The following GIGYF1 variants were observed in gnomAD, a reference collection of about 807,000 sequenced individuals.
The protein encoded by GIGYF1 is GRB10 interacting GYF protein 1.
A neutral mutation model predicts 147.1 loss-of-function variants in GIGYF1; 84 were observed. The observed-to-expected ratio is 0.57, with a 90% CI of 0.48 to 0.68. The LOEUF (loss-of-function observed/expected upper bound fraction) is 0.68. GIGYF1 is among the 30% of genes least tolerant of loss of function. The pLI, the probability that GIGYF1 is intolerant of heterozygous loss-of-function variation, is 0.00. For synonymous variants in GIGYF1, 752 were observed against 589.5 expected (o/e 1.28, Z -3.99); for missense variants, 1,485 against 1,393.7 (o/e 1.07, Z -1.04).
In GIGYF1 at chr7:100,685,402, G is replaced by A. The variant is rs139769261; in HGVS notation, c.1134C>T (p.Leu378=). The change falls in exon 13 of 27, where the codon CTC becomes CTT. Residue 378 remains leucine, a synonymous_variant. Transcript: ENST00000678049. ...CGTCCCCATCCCCGTTTGTCCCCCA[G>A]AGTGGGCCCAGGGTGGGCAGTGGGG... is the stretch of plus-strand genomic sequence containing the variant. ...SPSPLPTLGP[L]WGTNGDGDET... The A allele has an allele frequency of 6.6e-4, 1,053 of 1,589,502 alleles. 8 individuals are homozygous for A. In the African/African-American group the frequency reaches 0.011, roughly 17 times the overall value.
chr7:100,693,431 G>A (rs1036855851), intron 1 of GIGYF1, among the ~76,000 whole-genome samples: 6 of 152,154 alleles, frequency 3.9e-5, no homozygotes, highest in Non-Finnish European at 8.8e-5. Flanking sequence ...ATTTCCCGCG[G>A]CCGAGCAACT....
chr7:100,684,063 G>T lies in GIGYF1; in HGVS notation c.1825C>A (p.Leu609Ile). The change falls in exon 18 of 27, where the codon CTC becomes ATC. Residue 609 changes from leucine (L) to isoleucine (I), a missense_variant. Coordinates refer to ENST00000678049, the MANE Select transcript of GIGYF1 (RefSeq NM_001375765.1). ...TGGAGCTGCTGCAGGAATGCCGTGAGCTGCTGCTGCTGCTGCTGTGGCGGC... is the reference window on the plus strand; with the variant it reads ...TGGAGCTGCTGCAGGAATGCCGTGATCTGCTGCTGCTGCTGCTGTGGCGGC... ...PPPPQQQQQQ[L>I]TAFLQQLQAL... 6.4e-7 allele frequency: 1 copy of T among 1,551,456 alleles called. No individual in the cohort carries two copies.
Position 100,684,120 on chromosome 7 carries a change from C to T in GIGYF1, c.1768G>A (p.Ala590Thr). The T allele has an allele frequency of 6.2e-7, 1 of 1,608,614 alleles. No homozygotes were observed. Among genetic ancestry groups the T allele is most frequent in the East Asian group, 2.2e-5 (1 of 44,866 alleles). Residue 590 changes from alanine (A) to threonine (T), a missense_variant, in exon 18 of 27, where the codon GCT becomes ACT. Physicochemically the swap from Ala to Thr is moderately conservative, Grantham distance 58. Coordinates refer to ENST00000678049, the MANE Select transcript of GIGYF1 (RefSeq NM_001375765.1). ...GGTGGCGGTGTCAGGTCCCCCAGAG[C>T]TGCCTTTTCTCGGAGCGCGCACTGT... ...LPQCALREKA[A>T]LGDLTPPPPP... is the part of the protein sequence containing the mutation.
In GIGYF1 at chr7:100,684,897, G is replaced by T. The variant is rs750336252; in HGVS notation, c.1291-3C>A. Reference sequence around the variant, plus strand: ...GAGGCCACCAGCTTCTCCGCCTCCTGGATGCCCAGAAAAAGAAGAAAGGCT... The same window carrying T: ...GAGGCCACCAGCTTCTCCGCCTCCTTGATGCCCAGAAAAAGAAGAAAGGCT... On this transcript the variant is annotated splice_polypyrimidine_tract_variant and splice_region_variant and intron_variant, in intron 14 of 26. Transcript: ENST00000678049. 1.2e-6 allele frequency: 2 copies of T among 1,605,718 alleles called. No homozygotes were observed. The highest frequency in any genetic ancestry group is 1.7e-6 in the Non-Finnish European group (2 of 1,175,604).
chr7:100,692,080 C>CA (rs1253939835), intron 1 of GIGYF1, among the ~76,000 whole-genome samples: 1 of 152,250 alleles, frequency 6.6e-6, no homozygotes. Flanking sequence ...GCACAGTCCC[C>CA]AATTCCTCAA....
intron 1 of GIGYF1, among the ~76,000 whole-genome samples, chr7:100,691,289 T>G (rs919292746): frequency 1.3e-5 from 2 of 152,124 alleles, no homozygotes; most frequent in Admixed American, 1.3e-4. Flanking sequence ...TGACTCCAGA[T>G]ACCAAGTGCG....
chr7:100,688,194 A>T lies in GIGYF1; in HGVS notation c.35+10T>A. On this transcript the variant is annotated intron_variant, in intron 4 of 26. Transcript: ENST00000678049. Reference sequence around the variant, plus strand: ...GAATCTCCACGGCAGCCGAGGCACAAGTGACTCACCACTCAGGCCCAAAGT... The same window carrying T: ...GAATCTCCACGGCAGCCGAGGCACATGTGACTCACCACTCAGGCCCAAAGT... 1 of 1,576,082 alleles carries T rather than the reference A, an allele frequency of 6.3e-7. No individual in the cohort carries two copies. Among genetic ancestry groups the T allele is most frequent in the Non-Finnish European group, 8.6e-7 (1 of 1,156,272 alleles).
chr7:100,688,134 A>C lies in GIGYF1; in HGVS notation c.36-24T>G, dbSNP rs75939759. ...GCCTGGACACAACACAGAGAGAAGA[A>C]GACAGAGGTCAGGGCAGCCTGACTG... On this transcript the variant is annotated intron_variant, in intron 4 of 26. Transcript: ENST00000678049. 0.044 allele frequency: 70,999 copies of C among 1,605,836 alleles called. 1,962 individuals are homozygous for C. Among genetic ancestry groups the C allele is most frequent in the Middle Eastern group, 0.12 (754 of 6,032 alleles).
chr7:100,686,862 T>G (rs1805399665), intron 9 of GIGYF1, 43 bp from the exon 10 acceptor site: 1 of 1,596,318 alleles, frequency 6.3e-7, no homozygotes, highest in African/African-American at 1.4e-5. Flanking sequence ...AAAGGCAGCG[T>G]GGTGCCTGGA....
chr7:100,693,211 T>C (rs1462718617), intron 1 of GIGYF1, among the ~76,000 whole-genome samples: 4 of 152,052 alleles, frequency 2.6e-5, no homozygotes, highest in African/African-American at 7.2e-5. Flanking sequence ...GCAACAGACC[T>C]GGAGTCTGAC....
intron 1 of GIGYF1, among the ~76,000 whole-genome samples, chr7:100,689,859 G>A (rs755930018): frequency 4.6e-5 from 7 of 152,184 alleles, no homozygotes; most frequent in East Asian, 1.9e-4. Context: ...AGGACATCAC[G>A]CTAAGAGAAA....
chr7:100,682,858 G>A, intron 22 of GIGYF1, 81 bp from the exon 23 acceptor site: 10 of 1,407,136 alleles, frequency 7.1e-6, no homozygotes, highest in Non-Finnish European at 7.6e-6. Context: ...AGGTGGCAAA[G>A]GGAGACAGGT....
At chr7:100,685,780 T>C (rs997329281) in intron 12 of GIGYF1, among the ~76,000 whole-genome samples, 194 bp downstream of exon 12, 5 of 152,224 alleles carry the variant, frequency 3.3e-5, no homozygotes, top group Admixed American at 2.0e-4. Context: ...TGATTACGCC[T>C]GATTTCTATC....
intron 22 of GIGYF1, 58 bp from the exon 23 acceptor site, chr7:100,682,835 G>C: frequency 1.3e-6 from 2 of 1,482,898 alleles, no homozygotes; most frequent in Non-Finnish European, 1.8e-6. Flanking sequence ...AAAGCGGATG[G>C]GGAGGCTTGT....
chr7:100,684,005 G>T lies in GIGYF1; in HGVS notation c.1868+15C>A. The T allele has an allele frequency of 1.3e-6, 2 of 1,590,958 alleles. No individual in the cohort carries two copies. ...CCCCCACCCTGTATCCTGAGGGCTC[G>T]CACGCACCACGCACCTGGGGGGTTT... On this transcript the variant is annotated intron_variant, in intron 18 of 26. Transcript: ENST00000678049.
chr7:100,682,041 C>G, intron 25 of GIGYF1, 31 bp downstream of exon 25: 1 of 1,611,316 alleles, frequency 6.2e-7, no homozygotes, highest in Middle Eastern at 1.7e-4. Flanking sequence ...CCAGGCAAGC[C>G]CACCCCAGCT....
Position 100,682,169 on chromosome 7 carries a change from G to A in GIGYF1, c.2828C>T (p.Ser943Phe), listed in dbSNP as rs1373087435. Residue 943 changes from serine (S) to phenylalanine (F), a missense_variant, in exon 25 of 27, where the codon TCC (serine) becomes TTC (phenylalanine). Coordinates refer to ENST00000678049, the MANE Select transcript of GIGYF1 (RefSeq NM_001375765.1). ...GGCTTCCAGCGTGTCCCCCAGGCAG[G>A]AACGGATATAATCGTGGACATCATA... ...SPYDVHDYIR[S>F]CLGDTLEAKE... 1 of 1,613,940 alleles carries A rather than the reference G, an allele frequency of 6.2e-7. No individual in the cohort carries two copies. The highest frequency in any genetic ancestry group is 8.5e-7 in the Non-Finnish European group (1 of 1,179,956).
chr7:100,684,700 G>A, intron 15 of GIGYF1, 23 bp downstream of exon 15: 5 of 1,610,698 alleles, frequency 3.1e-6, no homozygotes, highest in Non-Finnish European at 4.2e-6. Flanking sequence ...GCCTTGAGCA[G>A]CCCTCCCATC....
chr7:100,686,770 G>A lies in GIGYF1; in HGVS notation c.573C>T (p.Ala191=), dbSNP rs1412550662. ...AGCGCCAGTTCTCGCTGTCTGAGCGGGCGTGCTCCTTCCTTGGGCCAGCCC... is the reference window on the plus strand; with the variant it reads ...AGCGCCAGTTCTCGCTGTCTGAGCGAGCGTGCTCCTTCCTTGGGCCAGCCC... ...EGGAGPRKEH[A]RSDSENWRSL... is the part of the protein sequence containing the mutation. Residue 191 remains alanine (A), a synonymous_variant, in exon 10 of 27, where the codon GCC becomes GCT. Transcript: ENST00000678049. The A allele has an allele frequency of 1.2e-6, 2 of 1,613,926 alleles. No homozygotes were observed. The highest frequency in any genetic ancestry group is 1.3e-5 in the African/African-American group (1 of 74,920).
Sources: allele counts gnomAD v4.1 joint callset (sites outside exome capture counted in the v4.1 genomes callset), GRCh38; gene constraint gnomAD v4.1.1; transcripts MANE v1.5; gene names NCBI Gene and HGNC (gene_info 2026-07-23, HGNC 2026-07-21).